DOK6: variants seen among roughly 807,000 people sequenced by gnomAD.
The protein encoded by DOK6 is docking protein 6, also known as downstream of tyrosine kinase 6.
In DOK6, 22 loss-of-function variants were observed where a neutral mutation model predicts 44.0. The ratio of observed to expected loss-of-function variants is 0.50; its 90% CI spans 0.36 to 0.71. The LOEUF (loss-of-function observed/expected upper bound fraction) is 0.71, where lower values mean the gene tolerates loss of function less well. DOK6 is among the 30% of genes least tolerant of loss of function. The probability of loss-of-function intolerance (pLI) is 0.00; values close to 1 mark genes in which losing one functional copy is unlikely to be tolerated. For synonymous variants in DOK6, 166 were observed against 145.5 expected (o/e 1.14, Z -1.01); for missense variants, 340 against 416.4 (o/e 0.82, Z 1.60).
chr18:69,455,005 C>G (rs1439662719), intron 1 of DOK6, among the ~76,000 whole-genome samples: 4 of 146,560 alleles, frequency 2.7e-5, no homozygotes, highest in South Asian at 2.2e-4. Context: ...CACATGTATA[C>G]ATATGTAACT....
At position 69,694,087 on chromosome 18, in the gene DOK6, A is replaced by C. The variant is rs1986338755; in HGVS notation, c.410-4317A>C. ...AAAAAAAAAAAAAAAAAAAAAAAAA[A>C]AAATTGATCTATTTAAAAACTCACT... On this transcript the variant is annotated intron_variant, in intron 4 of 7. Transcript: ENST00000382713. 2.1e-5 allele frequency among the ~76,000 whole-genome samples: 3 copies of C among 142,450 alleles called. No individual in the cohort carries two copies. The South Asian group carries it at 6.7e-4, about 32-fold the overall frequency. 93.5% of individuals were successfully genotyped at this position (142,450 alleles called of 152,430 possible). A position where few individuals can be genotyped will look rare whatever the true frequency, so the allele number is the denominator to read the frequency against.
chr18:69,446,755 G>T (rs1221101748), intron 1 of DOK6, among the ~76,000 whole-genome samples: 2 of 152,148 alleles, frequency 1.3e-5, no homozygotes, highest in Non-Finnish European at 2.9e-5. Context: ...CATTCTAACT[G>T]GTTTGAGATG....
At chr18:69,731,111 T>C (rs1599292133) in intron 5 of DOK6, among the ~76,000 whole-genome samples, 1 of 152,116 alleles carries the variant, frequency 6.6e-6, no homozygotes, top group African/African-American at 2.4e-5. Context: ...AAAAATGTGG[T>C]ACTTTATCAG....
At chr18:69,521,630 T>C (rs954555441) in intron 1 of DOK6, among the ~76,000 whole-genome samples, 12 of 152,102 alleles carry the variant, frequency 7.9e-5, no homozygotes, top group South Asian at 4.1e-4. Flanking sequence ...TCCTTAATTC[T>C]TCTAGTAGAA....
chr18:69,476,562 G>C (rs1980271288), intron 1 of DOK6, among the ~76,000 whole-genome samples: 1 of 151,636 alleles, frequency 6.6e-6, no homozygotes, highest in African/African-American at 2.4e-5. Context: ...TAATAGACAG[G>C]TTAGGGAAAC....
intron 7 of DOK6, among the ~76,000 whole-genome samples, chr18:69,786,488 A>T (rs1980434556): frequency 6.6e-6 from 1 of 152,212 alleles, no homozygotes; most frequent in Non-Finnish European, 1.5e-5. Flanking sequence ...AAATAACGGT[A>T]ATGTTATATC....
At chr18:69,473,756 A>G (rs573868211) in intron 1 of DOK6, among the ~76,000 whole-genome samples, 2 of 152,302 alleles carry the variant, frequency 1.3e-5, no homozygotes, top group African/African-American at 4.8e-5. Context: ...CAACCAAATA[A>G]TCTATGTAAT....
intron 1 of DOK6, among the ~76,000 whole-genome samples, chr18:69,471,333 G>A (rs892367418): frequency 1.3e-5 from 2 of 150,524 alleles, no homozygotes; most frequent in African/African-American, 4.9e-5. Flanking sequence ...GGCTCCAGGC[G>A]AGAAGCCACC....
At chr18:69,462,152 C>G (rs1979806618) in intron 1 of DOK6, among the ~76,000 whole-genome samples, 1 of 152,144 alleles carries the variant, frequency 6.6e-6, no homozygotes, top group Non-Finnish European at 1.5e-5. Context: ...TATGTGCTTT[C>G]ATGCCATTGA....
intron 1 of DOK6, among the ~76,000 whole-genome samples, chr18:69,502,172 ACTT>A (rs1327412842): frequency 6.6e-6 from 1 of 152,172 alleles, no homozygotes; most frequent in African/African-American, 2.4e-5. Context: ...TAATTGGCTA[ACTT>A]CTTGAAAAGC....
chr18:69,676,567 T>G (rs1985926826), intron 3 of DOK6, among the ~76,000 whole-genome samples: 1 of 152,164 alleles, frequency 6.6e-6, no homozygotes, highest in Non-Finnish European at 1.5e-5. Flanking sequence ...AGAATCCATA[T>G]TACACTATTC....
intron 1 of DOK6, among the ~76,000 whole-genome samples, chr18:69,561,108 G>T (rs552772081): frequency 1.3e-5 from 2 of 152,096 alleles, no homozygotes; most frequent in Non-Finnish European, 2.9e-5. Context: ...TTGAGAAATG[G>T]CTGAGCCTTG....
intron 2 of DOK6, among the ~76,000 whole-genome samples, chr18:69,572,061 G>A (rs1983127505): frequency 6.6e-6 from 1 of 152,022 alleles, no homozygotes; most frequent in Non-Finnish European, 1.5e-5. Context: ...CAATAACAAT[G>A]TATTATCTAG....
intron 1 of DOK6, among the ~76,000 whole-genome samples, chr18:69,514,304 A>G (rs1390061341): frequency 1.3e-5 from 2 of 152,174 alleles, no homozygotes; most frequent in African/African-American, 4.8e-5. Context: ...CATGAAGACG[A>G]CATTTAAGAA....
At chr18:69,473,000 A>AT (rs1454963576) in intron 1 of DOK6, among the ~76,000 whole-genome samples, 1 of 152,236 alleles carries the variant, frequency 6.6e-6, no homozygotes, top group East Asian at 1.9e-4. Flanking sequence ...GTTTCATAGC[A>AT]GTGCTAATAT....
chr18:69,579,269 A>T (rs934069897), intron 2 of DOK6, among the ~76,000 whole-genome samples: 1 of 152,244 alleles, frequency 6.6e-6, no homozygotes, highest in Non-Finnish European at 1.5e-5. Context: ...AAGAGAAAGA[A>T]AGATTATAAA....
intron 1 of DOK6, among the ~76,000 whole-genome samples, chr18:69,558,858 A>G (rs566523938): frequency 6.6e-6 from 1 of 152,280 alleles, no homozygotes; most frequent in Non-Finnish European, 1.5e-5. Context: ...TATTTGACCA[A>G]TATGAGTGCA....
chr18:69,671,009 A>G (rs1599254822), intron 3 of DOK6, among the ~76,000 whole-genome samples: 1 of 152,064 alleles, frequency 6.6e-6, no homozygotes, highest in Non-Finnish European at 1.5e-5. Flanking sequence ...ACGCGCACAC[A>G]TACACACACA....
chr18:69,451,734 AACTAGAACTC>A (rs1365030999), intron 1 of DOK6, among the ~76,000 whole-genome samples: 1 of 120,878 alleles, frequency 8.3e-6, no homozygotes, highest in East Asian at 2.4e-4. Context: ...AGTGCAATCA[AACTAGAACTC>A]AGGATTAAGA....
Sources: allele counts gnomAD v4.1 joint callset (sites outside exome capture counted in the v4.1 genomes callset), GRCh38; gene constraint gnomAD v4.1.1; transcripts MANE v1.5; gene names NCBI Gene and HGNC (gene_info 2026-07-23, HGNC 2026-07-21).